FBN2: variants seen among roughly 807,000 people sequenced by gnomAD.
FBN2 encodes fibrillin 2.
Under a neutral mutation model 355.6 loss-of-function variants are expected in FBN2, and 105 were observed. The ratio of observed to expected loss-of-function variants is 0.30; its 90% CI spans 0.25 to 0.35. FBN2 has a LOEUF of 0.35. Among genes scored for constraint, FBN2 ranks in the 10% least tolerant of loss-of-function variants. The pLI is 1.00. For missense variants in FBN2, 3,280 were observed against 3,758.7 expected (o/e 0.87, Z 3.33); for synonymous variants, 1,350 against 1,301.2 (o/e 1.04, Z -0.81).
chr5:128,368,457 C>T (rs199765550), intron 16 of FBN2, among the ~76,000 whole-genome samples: 27 of 75,802 alleles, frequency 3.6e-4, no homozygotes, highest in East Asian at 1.8e-3. Context: ...TATATATACA[C>T]ATATATATAC....
chr5:128,431,672 T>C (rs1047791487), intron 7 of FBN2, among the ~76,000 whole-genome samples: 1 of 152,218 alleles, frequency 6.6e-6, no homozygotes, highest in Non-Finnish European at 1.5e-5. Flanking sequence ...AGTCTCTCTT[T>C]GGTATATCTG....
chr5:128,382,406 T>C (rs1752256067), intron 11 of FBN2, among the ~76,000 whole-genome samples: 2 of 152,116 alleles, frequency 1.3e-5, no homozygotes. Context: ...GTCTGTTCCA[T>C]AAGATTCCAG....
chr5:128,370,262 A>G (rs1751897503), intron 15 of FBN2, among the ~76,000 whole-genome samples: 1 of 152,234 alleles, frequency 6.6e-6, no homozygotes, highest in South Asian at 2.1e-4. Flanking sequence ...ATTTTTAAGC[A>G]GTATACTGAC....
At chr5:128,301,321 C>T (rs2126834239) in intron 47 of FBN2, 61 bp downstream of exon 47, 3 of 1,355,920 alleles carry the variant, frequency 2.2e-6, no homozygotes, top group Non-Finnish European at 2.1e-6. Flanking sequence ...AGGAGGGAGG[C>T]ACATATCATC....
At position 128,259,432 on chromosome 5, in the gene FBN2, C is replaced by T; in HGVS notation, c.*23G>A. On this transcript the variant is annotated 3_prime_UTR_variant, in exon 65 of 65. Transcript: ENST00000262464. ...CAGACTGGCTGTGCTAGGATTTGAG[C>T]CTGGGCCCAAGTCTGTGAAGGGTTA... 6.2e-7 allele frequency: 1 copy of T among 1,612,406 alleles called. No individual in the cohort carries two copies. Among genetic ancestry groups the T allele is most frequent in the Non-Finnish European group, 8.5e-7 (1 of 1,179,918 alleles).
At chr5:128,297,393 G>A (rs2126829152) in intron 48 of FBN2, among the ~76,000 whole-genome samples, 1 of 152,292 alleles carries the variant, frequency 6.6e-6, no homozygotes, top group East Asian at 1.9e-4. Flanking sequence ...GGGTATGCTT[G>A]TTGACCTTCT....
intron 5 of FBN2, among the ~76,000 whole-genome samples, chr5:128,493,399 A>G (rs1755563684): frequency 6.6e-6 from 1 of 152,196 alleles, no homozygotes; most frequent in Non-Finnish European, 1.5e-5. Context: ...AAAGATAATA[A>G]TAATGATGAT....
intron 8 of FBN2, among the ~76,000 whole-genome samples, chr5:128,406,502 T>G (rs1752931037): frequency 6.6e-6 from 1 of 152,168 alleles, no homozygotes. Flanking sequence ...GCTTCTCATT[T>G]TATATATATC....
At chr5:128,457,660 AAGAAAAGAATTCTCAACAC>A (rs759576844) in intron 6 of FBN2, among the ~76,000 whole-genome samples, 284 of 152,296 alleles carry the variant, frequency 1.9e-3, no homozygotes, top group Non-Finnish European at 1.6e-3. Context: ...AACATTCTTC[AAGAAAAGAATTCTCAACAC>A]AGAATTTCAC....
chr5:128,397,827 T>G (rs915833080), intron 8 of FBN2, among the ~76,000 whole-genome samples: 2 of 152,114 alleles, frequency 1.3e-5, no homozygotes, highest in Non-Finnish European at 2.9e-5. Flanking sequence ...CTCTGATAGT[T>G]TCACAGTGCC....
chr5:128,303,750 G>T (rs1749785015), intron 45 of FBN2, among the ~76,000 whole-genome samples: 1 of 152,184 alleles, frequency 6.6e-6, no homozygotes, highest in Non-Finnish European at 1.5e-5. Flanking sequence ...TCTTACTGAA[G>T]AATCTGACTA....
intron 6 of FBN2, among the ~76,000 whole-genome samples, chr5:128,462,060 T>C (rs1202163155): frequency 6.6e-6 from 1 of 152,190 alleles, no homozygotes; most frequent in Non-Finnish European, 1.5e-5. Context: ...TTGTCCCTCA[T>C]TTTCCACAGC....
intron 5 of FBN2, among the ~76,000 whole-genome samples, chr5:128,480,711 C>T (rs192602587): frequency 6.6e-6 from 1 of 152,192 alleles, no homozygotes; most frequent in Non-Finnish European, 1.5e-5. Flanking sequence ...GGCGACAGAG[C>T]GAGACTCCTT....
chr5:128,520,086 A>G (rs1287377408), intron 4 of FBN2, among the ~76,000 whole-genome samples: 1 of 152,212 alleles, frequency 6.6e-6, no homozygotes, highest in Admixed American at 6.5e-5. Flanking sequence ...AAATGTTTCC[A>G]AAGTCATGCT....
In FBN2 at chr5:128,370,468, G is replaced by A. The variant is rs78508848; in HGVS notation, c.2096-1134C>T. Among the ~76,000 whole-genome samples the A allele has an allele frequency of 8.9e-3, 1,358 of 152,216 alleles. 26 individuals carry two copies. The highest frequency in any genetic ancestry group is 0.031 in the Middle Eastern group (9 of 294). ...AATGAGATACGTGTGTGCTTAAATG[G>A]AAGGAGGCCATGGAATTCACCAACC... On this transcript the variant is annotated intron_variant, in intron 15 of 64. Transcript: ENST00000262464.
At chr5:128,361,598 T>G in intron 19 of FBN2, 125 bp downstream of exon 19, 52 of 1,232,836 alleles carry the variant, frequency 4.2e-5, no homozygotes, top group Non-Finnish European at 5.7e-5. Flanking sequence ...ATTAGCTAAA[T>G]GAGATTATAA....
At chr5:128,383,476 C>T (rs182663636) in intron 11 of FBN2, among the ~76,000 whole-genome samples, 1 of 152,034 alleles carries the variant, frequency 6.6e-6, no homozygotes, top group East Asian at 1.9e-4. Flanking sequence ...AATAAAGCTT[C>T]GTCGGAATTA....
intron 8 of FBN2, among the ~76,000 whole-genome samples, chr5:128,395,984 C>T (rs921799608): frequency 3.3e-5 from 5 of 152,080 alleles, no homozygotes; most frequent in South Asian, 2.1e-4. Context: ...TCTTTGGCTG[C>T]GATGAGAACT....
intron 25 of FBN2, among the ~76,000 whole-genome samples, chr5:128,343,852 C>T (rs1168838304): frequency 6.6e-6 from 1 of 152,030 alleles, no homozygotes; most frequent in Non-Finnish European, 1.5e-5. Context: ...AAATATAAAA[C>T]AAACAGCATT....
Sources: allele counts gnomAD v4.1 joint callset (sites outside exome capture counted in the v4.1 genomes callset), GRCh38; gene constraint gnomAD v4.1.1; transcripts MANE v1.5; gene names NCBI Gene and HGNC (gene_info 2026-07-23, HGNC 2026-07-21).